The following CDC123 variants were observed in gnomAD, a reference collection of about 807,000 sequenced individuals.
CDC123 encodes the protein cell division cycle 123, also known as translation initiation factor eIF2 assembly protein.
In CDC123, 37 loss-of-function variants were observed where a neutral mutation model predicts 54.4. That is an observed-to-expected ratio of 0.68 (90% CI 0.52 to 0.89). The LOEUF is 0.89. Ranked by LOEUF, CDC123 falls within the 40% of genes least tolerant of loss-of-function variation. The pLI is 0.00. For synonymous variants in CDC123, 144 were observed against 136.8 expected, an observed-to-expected ratio of 1.05 and a Z score of -0.37; for missense variants, 361 against 412.1, an observed-to-expected ratio of 0.88 and a Z score of 1.07.
At position 12,215,757 on chromosome 10, in the gene CDC123, G is replaced by A. The variant is rs375894021; in HGVS notation, c.255G>A (p.Glu85=). ...CTCTGTAGGCACCAGAATTTCCTGA[G>A]TTTGCCACTAAAGTCCAGGAAGCTA... ...TATLTAPEFP[E]FATKVQEAIN... Residue 85 remains glutamate (E), a synonymous_variant, in exon 5 of 13, where the codon GAG becomes GAA. Coordinates refer to ENST00000281141, the MANE Select transcript of CDC123 (RefSeq NM_006023.3). 55 of 1,609,830 alleles carry A rather than the reference G, an allele frequency of 3.4e-5. No homozygotes were observed. The highest frequency in any genetic ancestry group is 4.5e-5 in the Non-Finnish European group (53 of 1,178,448).
chr10:12,233,618 T>C (rs186414983), intron 7 of CDC123, among the ~76,000 whole-genome samples: 30 of 152,228 alleles, frequency 2.0e-4, no homozygotes, highest in Admixed American at 1.3e-3. Flanking sequence ...TATAAAATTA[T>C]GTATGTATAT....
intron 6 of CDC123, among the ~76,000 whole-genome samples, chr10:12,220,498 C>T (rs1364988698): frequency 6.6e-6 from 1 of 151,926 alleles, no homozygotes; most frequent in East Asian, 1.9e-4. Context: ...GAGCAAATGC[C>T]AAGCACTGGG....
intron 10 of CDC123, among the ~76,000 whole-genome samples, chr10:12,244,358 CAA>C (rs1836099636): frequency 6.6e-6 from 1 of 152,250 alleles, no homozygotes. Context: ...TGAAAAGGAG[CAA>C]AGATAAACCT....
intron 6 of CDC123, among the ~76,000 whole-genome samples, chr10:12,224,257 T>C (rs1266673705): frequency 6.6e-6 from 1 of 151,920 alleles, no homozygotes; most frequent in Non-Finnish European, 1.5e-5. Flanking sequence ...CATATTTCTT[T>C]AGTTTGGGGA....
At position 12,222,895 on chromosome 10, in the gene CDC123, CTT is replaced by C. The variant is rs61138851; in HGVS notation, c.440+5441_440+5442del. Among the ~76,000 whole-genome samples the C allele has an allele frequency of 7.3e-3, 1,064 of 146,134 alleles. 17 individuals carry two copies. Among genetic ancestry groups the C allele is most frequent in the African/African-American group, 0.024 (942 of 39,882 alleles). ...TCACTGGATATGTTACATTTGTCCT[CTT>C]TTTTTTTTTTTTGAGACGGAGTCTC... On this transcript the variant is annotated intron_variant, in intron 6 of 12. Transcript: ENST00000281141.
intron 2 of CDC123, among the ~76,000 whole-genome samples, chr10:12,201,234 A>C (rs2131730197): frequency 1.3e-5 from 2 of 152,372 alleles, no homozygotes; most frequent in Middle Eastern, 6.8e-3. Flanking sequence ...GTTCAGTCTA[A>C]TGCCCACTAT....
chr10:12,201,192 T>C (rs1177445532), intron 2 of CDC123, among the ~76,000 whole-genome samples: 1 of 152,242 alleles, frequency 6.6e-6, no homozygotes, highest in Non-Finnish European at 1.5e-5. Context: ...TGTAGGGTCA[T>C]TGCAAAGATA....
At chr10:12,213,219 G>T (rs963372405) in intron 4 of CDC123, among the ~76,000 whole-genome samples, 1 of 152,208 alleles carries the variant, frequency 6.6e-6, no homozygotes. Context: ...AAGAAAAATA[G>T]TAATGTTACA....
chr10:12,209,645 C>T (rs1243049827), intron 2 of CDC123, among the ~76,000 whole-genome samples: 2 of 152,146 alleles, frequency 1.3e-5, no homozygotes, highest in Non-Finnish European at 2.9e-5. Context: ...ACTGCAGCCT[C>T]GACCTCCCAT....
intron 2 of CDC123, among the ~76,000 whole-genome samples, chr10:12,207,116 A>T (rs61145830): frequency 0.029 from 4,428 of 152,168 alleles, 215 homozygotes; most frequent in African/African-American, 0.1. Flanking sequence ...AATCTTTGAT[A>T]ATTTCCTCTA....
At position 12,198,757 on chromosome 10, in the gene CDC123, A is replaced by G; in HGVS notation, c.127A>G (p.Thr43Ala). 1 of 1,588,232 alleles carries G rather than the reference A, an allele frequency of 6.3e-7. No individual in the cohort carries two copies. The highest frequency in any genetic ancestry group is 8.6e-7 in the Non-Finnish European group (1 of 1,162,408). Reference sequence around the variant, plus strand: ...GAAGGATTATTTACTCGATGATGGAACTCTGGTGGTTTCAGGAAGGTAAAG... The same window carrying G: ...GAAGGATTATTTACTCGATGATGGAGCTCTGGTGGTTTCAGGAAGGTAAAG... ...NVKDYLLDDG[T>A]LVVSGRDDPP... Residue 43 changes from threonine (T) to alanine (A), a missense_variant, in exon 2 of 13, where the codon ACT (threonine) becomes GCT (alanine). Thr to Ala is a moderately conservative substitution (Grantham distance 58). Coordinates refer to ENST00000281141, the MANE Select transcript of CDC123 (RefSeq NM_006023.3).
At chr10:12,206,569 T>C (rs1835521556) in intron 2 of CDC123, among the ~76,000 whole-genome samples, 1 of 152,218 alleles carries the variant, frequency 6.6e-6, no homozygotes, top group Non-Finnish European at 1.5e-5. Flanking sequence ...CCCAGCACTT[T>C]GGGAGGCCAA....
intron 7 of CDC123, among the ~76,000 whole-genome samples, chr10:12,234,091 T>C (rs1835943101): frequency 6.6e-6 from 1 of 152,044 alleles, no homozygotes; most frequent in South Asian, 2.1e-4. Flanking sequence ...TTTTACTATA[T>C]TTTATTTTAT....
intron 2 of CDC123, 144 bp from the exon 3 acceptor site, chr10:12,209,823 C>A: frequency 1.4e-6 from 1 of 727,814 alleles, no homozygotes; most frequent in Non-Finnish European, 2.4e-6. Context: ...CTCAGCCTGC[C>A]AGAGTGCTAG....
chr10:12,202,175 T>C (rs1835448597), intron 2 of CDC123, among the ~76,000 whole-genome samples: 1 of 152,200 alleles, frequency 6.6e-6, no homozygotes, highest in African/African-American at 2.4e-5. Context: ...AGTGTACAAC[T>C]TGGCGAATGT....
chr10:12,198,956 C>T, intron 2 of CDC123, 180 bp downstream of exon 2: 2 of 489,500 alleles, frequency 4.1e-6, no homozygotes, highest in South Asian at 5.5e-5. Context: ...ACATTAAGTA[C>T]TTTTCCCTCT....
At chr10:12,223,085 G>A (rs1411858696) in intron 6 of CDC123, among the ~76,000 whole-genome samples, 6 of 150,086 alleles carry the variant, frequency 4.0e-5, no homozygotes, top group East Asian at 4.0e-4. Flanking sequence ...TAGTAGAGAC[G>A]GGGTTTCACC....
chr10:12,215,884 G>T, intron 5 of CDC123, 49 bp downstream of exon 5: 3 of 1,262,976 alleles, frequency 2.4e-6, no homozygotes, highest in East Asian at 2.5e-5. Context: ...TCTTTGTTTT[G>T]CTGTTTATTT....
At chr10:12,234,313 G>A (rs773878218) in intron 7 of CDC123, among the ~76,000 whole-genome samples, 2 of 152,152 alleles carry the variant, frequency 1.3e-5, no homozygotes, top group Non-Finnish European at 2.9e-5. Context: ...GCAATGGCGC[G>A]ATCTGGGCTC....
Sources: gnomAD v4.1 joint callset for allele counts (sites outside exome capture counted in the v4.1 genomes callset) on GRCh38, gnomAD v4.1.1 for gene constraint, MANE v1.5 for transcripts, NCBI Gene and HGNC (gene_info 2026-07-23, HGNC 2026-07-21) for gene names.